Variants in TANC1 observed in about 807,000 individuals in gnomAD.
The protein encoded by TANC1 is protein TANC1.
A neutral mutation model predicts 149.7 loss-of-function variants in TANC1; 77 were observed. The observed-to-expected ratio is 0.51, with a 90% confidence interval of 0.43 to 0.62. The LOEUF is 0.62. Ranked by LOEUF, TANC1 falls within the 20% of genes least tolerant of loss-of-function variation. TANC1 has a pLI of 0.00. For synonymous variants in TANC1, 854 were observed against 925.0 expected, an observed-to-expected ratio of 0.92 and a Z score of 1.39; for missense variants, 1,985 against 2,321.8, an observed-to-expected ratio of 0.85 and a Z score of 2.98.
chr2:159,049,802 G>A (rs923947627), intron 2 of TANC1, among the ~76,000 whole-genome samples: 1 of 152,214 alleles, frequency 6.6e-6, no homozygotes, highest in South Asian at 2.1e-4. Flanking sequence ...AGACTAGTGA[G>A]TGGGTTTTGG....
intron 2 of TANC1, among the ~76,000 whole-genome samples, chr2:159,008,758 G>C (rs572091086): frequency 6.6e-6 from 1 of 152,120 alleles, no homozygotes; most frequent in Non-Finnish European, 1.5e-5. Context: ...GTATGTCTTA[G>C]TACAAAATTC....
intron 2 of TANC1, among the ~76,000 whole-genome samples, chr2:159,005,164 C>T (rs534282508): frequency 7.2e-5 from 11 of 152,270 alleles, no homozygotes; most frequent in Admixed American, 3.9e-4. Context: ...CAACCTTCAG[C>T]ATGGGTGTCA....
At chr2:159,219,954 G>A (rs1181211810) in intron 22 of TANC1, 87 bp downstream of exon 22, 1 of 1,271,816 alleles carries the variant, frequency 7.9e-7, no homozygotes, top group African/African-American at 1.5e-5. Flanking sequence ...CCTGCATGAG[G>A]TTGTGTCTCA....
At chr2:159,170,888 C>A in intron 10 of TANC1, 83 bp downstream of exon 10, 2 of 1,454,844 alleles carry the variant, frequency 1.4e-6, no homozygotes, top group South Asian at 1.3e-5. Flanking sequence ...CATAAAATAC[C>A]AATTTTCCTC....
chr2:159,051,651 TTGTGTG>T (rs58015346), intron 2 of TANC1, among the ~76,000 whole-genome samples: 7,344 of 142,904 alleles, frequency 0.051, 478 homozygotes, highest in African/African-American at 0.16. Flanking sequence ...GAAGTGGTGT[TTGTGTG>T]TGTGTGTGTG....
intron 3 of TANC1, among the ~76,000 whole-genome samples, chr2:159,088,644 AC>A (rs1375528840): frequency 6.6e-6 from 1 of 152,204 alleles, no homozygotes; most frequent in Non-Finnish European, 1.5e-5. Flanking sequence ...ATGCGGCCCA[AC>A]AAAAATTTGT....
Position 159,225,686 on chromosome 2 carries a change from A to G in TANC1, c.3812-2A>G. 6.2e-7 allele frequency: 1 copy of G among 1,613,512 alleles called. No homozygotes were observed. Among genetic ancestry groups the G allele is most frequent in the Non-Finnish European group, 8.5e-7 (1 of 1,179,412 alleles). ...GCCTCTGAATGCGTGTTTGTTTTGCAGGAAATGCTGCTTGGGCGATGGCCA... is the reference window on the plus strand; with the variant it reads ...GCCTCTGAATGCGTGTTTGTTTTGCGGGAAATGCTGCTTGGGCGATGGCCA... On this transcript the variant is annotated splice_acceptor_variant, in intron 23 of 26. Coordinates refer to ENST00000263635, the MANE Select transcript of TANC1 (RefSeq NM_033394.3). LOFTEE classifies it high-confidence loss of function.
At chr2:159,112,655 ACTCCTGGG>A (rs2047863047) in intron 4 of TANC1, among the ~76,000 whole-genome samples, 1 of 148,592 alleles carries the variant, frequency 6.7e-6, no homozygotes, top group Non-Finnish European at 1.5e-5. Flanking sequence ...GCATCCTTGA[ACTCCTGGG>A]CTCCTGGGTG....
chr2:159,144,221 A>C (rs2051786548), intron 5 of TANC1, among the ~76,000 whole-genome samples: 1 of 152,146 alleles, frequency 6.6e-6, no homozygotes, highest in Admixed American at 6.5e-5. Context: ...AGGCATTTTG[A>C]ATGGAGAAAT....
chr2:159,193,402 T>G (rs2057611492), intron 16 of TANC1, among the ~76,000 whole-genome samples: 1 of 152,244 alleles, frequency 6.6e-6, no homozygotes, highest in South Asian at 2.1e-4. Flanking sequence ...TTGGCTGTTG[T>G]GAATAATGCT....
chr2:158,995,653 C>T (rs2036062528), intron 1 of TANC1, among the ~76,000 whole-genome samples: 2 of 152,196 alleles, frequency 1.3e-5, no homozygotes, highest in South Asian at 4.1e-4. Context: ...TACCTGTCTC[C>T]ATTCATTTTG....
chr2:159,186,814 A>G (rs1382257854), intron 15 of TANC1, 88 bp from the exon 16 acceptor site: 1 of 1,568,326 alleles, frequency 6.4e-7, no homozygotes, highest in East Asian at 2.2e-5. Flanking sequence ...CGGCAGACCC[A>G]CTTTCAGAGT....
At chr2:159,218,817 C>T (rs2059507803) in intron 20 of TANC1, among the ~76,000 whole-genome samples, 3 of 152,150 alleles carry the variant, frequency 2.0e-5, no homozygotes, top group South Asian at 4.1e-4. Context: ...CTTCTTTCTG[C>T]GACCCCCTCA....
At chr2:159,056,228 C>T (rs1214373080) in intron 2 of TANC1, 1 of 232,344 alleles carries the variant, frequency 4.3e-6, no homozygotes, top group African/African-American at 2.3e-5. Flanking sequence ...GAGAATTTCT[C>T]CCAGGAACAT....
At chr2:159,135,414 A>T (rs1454203490) in intron 4 of TANC1, among the ~76,000 whole-genome samples, 1 of 152,274 alleles carries the variant, frequency 6.6e-6, no homozygotes, top group Non-Finnish European at 1.5e-5. Flanking sequence ...ATACATTCCC[A>T]TAGGAGTAGA....
intron 2 of TANC1, among the ~76,000 whole-genome samples, chr2:159,052,293 A>G (rs778824249): frequency 3.3e-5 from 5 of 152,260 alleles, no homozygotes; most frequent in Non-Finnish European, 5.9e-5. Flanking sequence ...TGGTTTTTGT[A>G]GATAGTAATT....
intron 2 of TANC1, among the ~76,000 whole-genome samples, chr2:159,045,085 G>C (rs1281367719): frequency 6.6e-6 from 1 of 152,218 alleles, no homozygotes; most frequent in Non-Finnish European, 1.5e-5. Flanking sequence ...CTAGAATTAG[G>C]GGGAGGAGGA....
chr2:159,086,945 A>G (rs1302187911), intron 3 of TANC1, among the ~76,000 whole-genome samples: 1 of 151,468 alleles, frequency 6.6e-6, no homozygotes, highest in African/African-American at 2.4e-5. Flanking sequence ...CAATGAAAAC[A>G]GTCATTGTGG....
chr2:159,132,136 G>A (rs570629203), intron 4 of TANC1, among the ~76,000 whole-genome samples: 9 of 152,290 alleles, frequency 5.9e-5, no homozygotes, highest in African/African-American at 9.6e-5. Context: ...TGTGTGGGCC[G>A]AGTTCAGATA....
Sources: gnomAD v4.1 joint callset for allele counts (sites outside exome capture counted in the v4.1 genomes callset) on GRCh38, gnomAD v4.1.1 for gene constraint, MANE v1.5 for transcripts, NCBI Gene and HGNC (gene_info 2026-07-23, HGNC 2026-07-21) for gene names.